Variants in CHCT1 observed in about 807,000 individuals in gnomAD.
The protein encoded by CHCT1 is CHD1 helical C-terminal domain containing protein 1.
At chr17:60,422,704 T>C in the CHCT1 span, 6 of 1,466,964 alleles carry the variant, frequency 4.1e-6, no homozygotes, top group South Asian at 2.7e-5. Context: ...TTTTGGAAAG[T>C]AGAGAACATG....
At chr17:60,423,918 A>G in the CHCT1 span, among the ~76,000 whole-genome samples, 1 of 152,220 alleles carries the variant, frequency 6.6e-6, no homozygotes, top group African/African-American at 2.4e-5. Context: ...CAATTTATAA[A>G]GAAAAGAGGT....
the CHCT1 span, chr17:60,421,982 T>C: frequency 3.0e-5 from 29 of 980,062 alleles, no homozygotes; most frequent in Non-Finnish European, 3.5e-5. Context: ...GGGATCTTTA[T>C]ACACCCCCAA....
the CHCT1 span, chr17:60,422,407 T>TA: frequency 1.4e-6 from 2 of 1,437,546 alleles, no homozygotes; most frequent in Non-Finnish European, 9.3e-7. Flanking sequence ...CAGCCACCCC[T>TA]AAGAATGAGG....
the CHCT1 span, chr17:60,421,665 C>A: frequency 1.1e-6 from 1 of 914,406 alleles, no homozygotes; most frequent in Non-Finnish European, 1.3e-6. Flanking sequence ...GCTGCTGCCG[C>A]GCCAGGGGCG....
the CHCT1 span, chr17:60,425,783 G>A: frequency 1.3e-6 from 2 of 1,550,130 alleles, no homozygotes; most frequent in Admixed American, 2.0e-5. Context: ...CTCCTCCTAG[G>A]TGACAAATGT....
the CHCT1 span, chr17:60,426,368 C>T: frequency 6.6e-7 from 1 of 1,526,090 alleles, no homozygotes; most frequent in Non-Finnish European, 8.8e-7. Context: ...GCTCCCCATA[C>T]CTACTCCTGG....
the CHCT1 span, chr17:60,426,747 C>T: frequency 1.8e-5 from 29 of 1,611,220 alleles, no homozygotes; most frequent in Non-Finnish European, 2.0e-5. Context: ...TCCCTCTTCT[C>T]GGAGCTGGAA....
the CHCT1 span, chr17:60,429,504 G>A: frequency 3.1e-6 from 5 of 1,614,122 alleles, no homozygotes; most frequent in East Asian, 2.2e-5. Flanking sequence ...CAGACCCCAG[G>A]TCAAGGGAGC....
chr17:60,428,027 A>G, the CHCT1 span, among the ~76,000 whole-genome samples: 4 of 152,152 alleles, frequency 2.6e-5, no homozygotes, highest in African/African-American at 9.7e-5. Context: ...AGGTCAAAAT[A>G]TTACAGGGAC....
At chr17:60,424,781 G>T in the CHCT1 span, among the ~76,000 whole-genome samples, 4 of 151,994 alleles carry the variant, frequency 2.6e-5, no homozygotes, top group African/African-American at 9.7e-5. Flanking sequence ...GCTGAGGCAG[G>T]AGAATCGCTT....
the CHCT1 span, chr17:60,426,911 C>CCCT: frequency 1.3e-6 from 2 of 1,528,436 alleles, no homozygotes; most frequent in Non-Finnish European, 1.8e-6. Flanking sequence ...CACCCAGAGC[C>CCCT]CCTCTGGTCC....
the CHCT1 span, chr17:60,422,155 A>G: frequency 3.4e-6 from 1 of 290,916 alleles, no homozygotes; most frequent in Non-Finnish European, 6.1e-6. Context: ...AATTTTACAA[A>G]CTGTGCTTTC....
the CHCT1 span, chr17:60,426,379 G>T: frequency 6.7e-7 from 1 of 1,501,888 alleles, no homozygotes; most frequent in Middle Eastern, 1.9e-4. Context: ...CTACTCCTGG[G>T]CAACCCCCTC....
chr17:60,429,415 A>G, the CHCT1 span: 1 of 1,614,116 alleles, frequency 6.2e-7, no homozygotes, highest in Non-Finnish European at 8.5e-7. Flanking sequence ...CCGACCGGGA[A>G]GACAGTCTGC....
At chr17:60,431,010 C>A in the CHCT1 span, among the ~76,000 whole-genome samples, 1 of 152,158 alleles carries the variant, frequency 6.6e-6, no homozygotes, top group Non-Finnish European at 1.5e-5. Flanking sequence ...GGGGACAATG[C>A]CATCTCTCTA....
At chr17:60,426,421 C>G in the CHCT1 span, 45 of 1,363,076 alleles carry the variant, frequency 3.3e-5, no homozygotes, top group East Asian at 1.1e-3. Flanking sequence ...GTCAATCCCC[C>G]AGTCCTTCAT....
At chr17:60,426,353 G>T in the CHCT1 span, 40 of 1,540,730 alleles carry the variant, frequency 2.6e-5, no homozygotes, top group Non-Finnish European at 3.3e-5. Context: ...CAGTCTCTTT[G>T]CTCTGCTCCC....
chr17:60,426,407 C>T, the CHCT1 span: 1 of 1,409,292 alleles, frequency 7.1e-7, no homozygotes, highest in Non-Finnish European at 9.5e-7. Flanking sequence ...AAGGGGACAC[C>T]TTAGTCAATC....
At chr17:60,424,155 C>G in the CHCT1 span, among the ~76,000 whole-genome samples, 1 of 152,120 alleles carries the variant, frequency 6.6e-6, no homozygotes. Flanking sequence ...GGCACCAAGC[C>G]CATTCATGAA....
Sources: allele counts gnomAD v4.1 joint callset (sites outside exome capture counted in the v4.1 genomes callset), GRCh38; gene constraint gnomAD v4.1.1; transcripts MANE v1.5; gene names NCBI Gene and HGNC (gene_info 2026-07-23, HGNC 2026-07-21).